The following ARID5B variants were observed in gnomAD, a reference collection of about 807,000 sequenced individuals.
ARID5B encodes the protein AT-rich interaction domain 5B.
In ARID5B, 13 loss-of-function variants were observed where a neutral mutation model predicts 97.2. The ratio of observed to expected loss-of-function variants is 0.13; its 90% CI spans 0.09 to 0.21. The LOEUF is 0.21. Among genes scored for constraint, ARID5B ranks in the 10% least tolerant of loss-of-function variants. The pLI, the probability that ARID5B is intolerant of heterozygous loss-of-function variation, is 1.00. For missense variants in ARID5B, 1,210 were observed against 1,465.3 expected, an observed-to-expected ratio of 0.83 and a Z score of 2.84; for synonymous variants, 556 against 570.3, an observed-to-expected ratio of 0.97 and a Z score of 0.36.
intron 4 of ARID5B, among the ~76,000 whole-genome samples, chr10:62,018,586 T>C (rs990343476): frequency 1.3e-5 from 2 of 151,784 alleles, no homozygotes; most frequent in African/African-American, 2.4e-5. Context: ...TGACCTTTTT[T>C]TTTTTTTTTC....
intron 2 of ARID5B, 128 bp downstream of exon 2, chr10:61,902,541 G>A: frequency 1.5e-6 from 2 of 1,313,724 alleles, no homozygotes; most frequent in South Asian, 1.5e-5. Flanking sequence ...CTTTTTTAAA[G>A]GGGTAGCGCC....
intron 2 of ARID5B, among the ~76,000 whole-genome samples, chr10:61,936,843 T>A (rs56256948): frequency 0.95 from 129,047 of 135,888 alleles, 61,108 homozygotes; most frequent in East Asian, 0.99. Context: ...CTTTTTTTCT[T>A]CCCCAAAAAA....
intron 3 of ARID5B, among the ~76,000 whole-genome samples, chr10:61,962,793 A>G (rs941350387): frequency 6.6e-5 from 10 of 152,222 alleles, no homozygotes; most frequent in African/African-American, 2.4e-4. Flanking sequence ...TCCATCGACT[A>G]ACAGTGTTAG....
At chr10:62,064,547 A>T (rs914201250) in intron 7 of ARID5B, among the ~76,000 whole-genome samples, 2 of 152,238 alleles carry the variant, frequency 1.3e-5, no homozygotes, top group African/African-American at 4.8e-5. Flanking sequence ...TAGAGAAATC[A>T]AGGCTCCAAG....
At chr10:61,976,563 G>A (rs529095944) in intron 3 of ARID5B, among the ~76,000 whole-genome samples, 15 of 152,252 alleles carry the variant, frequency 9.9e-5, no homozygotes, top group Non-Finnish European at 8.8e-5. Flanking sequence ...TTGAAACATC[G>A]AAGTGGTACA....
At chr10:62,006,793 G>T (rs979479584) in intron 4 of ARID5B, among the ~76,000 whole-genome samples, 6 of 152,144 alleles carry the variant, frequency 3.9e-5, no homozygotes, top group Non-Finnish European at 7.4e-5. Flanking sequence ...ATATGGAATG[G>T]CTAAGATTCG....
At chr10:62,053,407 A>G (rs1377473005) in intron 5 of ARID5B, among the ~76,000 whole-genome samples, 2 of 152,198 alleles carry the variant, frequency 1.3e-5, no homozygotes, top group South Asian at 2.1e-4. Flanking sequence ...CACTCCCTCA[A>G]TGAGAACATG....
intron 8 of ARID5B, among the ~76,000 whole-genome samples, chr10:62,076,253 G>A (rs1564644989): frequency 6.6e-6 from 1 of 152,154 alleles, no homozygotes; most frequent in African/African-American, 2.4e-5. Flanking sequence ...TTATATCTAT[G>A]TCTGTGGTGG....
chr10:61,992,805 T>C (rs1485684854), intron 3 of ARID5B, among the ~76,000 whole-genome samples: 1 of 152,206 alleles, frequency 6.6e-6, no homozygotes, highest in Admixed American at 6.5e-5. Context: ...AGTTCTGTTT[T>C]CTGTCTCAGC....
In ARID5B at chr10:61,966,482, G is replaced by A. The variant is rs541596994; in HGVS notation, c.502+26074G>A. 1.5e-4 allele frequency among the ~76,000 whole-genome samples: 23 copies of A among 151,970 alleles called. No homozygotes were observed. In the South Asian group the frequency reaches 4.6e-3, roughly 30 times the overall value. Reference sequence around the variant, plus strand: ...CATCCATCACAGTAATTTTCCCATCGTTCTCTCAGTGATATTGAGATTACT... The same window carrying A: ...CATCCATCACAGTAATTTTCCCATCATTCTCTCAGTGATATTGAGATTACT... On this transcript the variant is annotated intron_variant, in intron 3 of 9. Coordinates refer to ENST00000279873, the MANE Select transcript of ARID5B (RefSeq NM_032199.3).
intron 3 of ARID5B, among the ~76,000 whole-genome samples, chr10:61,976,619 T>A (rs1467598826): frequency 6.6e-6 from 1 of 152,142 alleles, no homozygotes; most frequent in African/African-American, 2.4e-5. Context: ...TGCCTAACCT[T>A]GGTGAGCGGG....
rs1382376408 is a variant in ARID5B at position 62,094,518 on chromosome 10, C to CA, written c.*1488_*1489insA. The CA allele has an allele frequency of 4.3e-5, 10 of 231,518 alleles. No homozygotes were observed. Among genetic ancestry groups the CA allele is most frequent in the African/African-American group, 2.2e-5 (1 of 45,258 alleles). 14.3% of individuals were successfully genotyped at this position (231,518 alleles called of 1,614,324 possible). A position where few individuals can be genotyped will look rare whatever the true frequency, so the allele number is the denominator to read the frequency against. On this transcript the variant is annotated 3_prime_UTR_variant, in exon 10 of 10. Transcript: ENST00000279873. ...GTGGTTTGGGTCATGTTTTTAACCA[C>CA]CTGGCAATACAGTCCACTTTCTGGT...
chr10:61,981,872 T>C (rs1173881647), intron 3 of ARID5B, among the ~76,000 whole-genome samples: 1 of 152,218 alleles, frequency 6.6e-6, no homozygotes, highest in Non-Finnish European at 1.5e-5. Flanking sequence ...TGTTACTAAA[T>C]TCCATTATCC....
intron 4 of ARID5B, among the ~76,000 whole-genome samples, chr10:62,015,419 T>TA (rs1360233320): frequency 1.3e-5 from 2 of 152,172 alleles, no homozygotes; most frequent in African/African-American, 2.4e-5. Context: ...GCAGTGCTCT[T>TA]ACGGGTTGTG....
chr10:61,981,879 A>ATCC (rs1838781702), intron 3 of ARID5B, among the ~76,000 whole-genome samples: 1 of 152,214 alleles, frequency 6.6e-6, no homozygotes, highest in Non-Finnish European at 1.5e-5. Flanking sequence ...AAATTCCATT[A>ATCC]TCCTCCTGTC....
At chr10:62,037,980 G>A (rs910869230) in intron 4 of ARID5B, among the ~76,000 whole-genome samples, 1 of 152,162 alleles carries the variant, frequency 6.6e-6, no homozygotes, top group Admixed American at 6.5e-5. Flanking sequence ...TTGGAGGAGT[G>A]GCTTTTATCT....
At chr10:61,936,416 G>C (rs1173487679) in intron 2 of ARID5B, among the ~76,000 whole-genome samples, 1 of 152,192 alleles carries the variant, frequency 6.6e-6, no homozygotes, top group Non-Finnish European at 1.5e-5. Flanking sequence ...TCAGGAGTTC[G>C]AGACCATCCT....
chr10:62,073,159 C>T (rs915038167), intron 8 of ARID5B, among the ~76,000 whole-genome samples: 30 of 152,264 alleles, frequency 2.0e-4, no homozygotes, highest in South Asian at 1.9e-3. Context: ...TACTAGGCTG[C>T]GGGTTCTTCT....
chr10:61,949,591 T>C (rs375349681), intron 3 of ARID5B, among the ~76,000 whole-genome samples: 1 of 152,074 alleles, frequency 6.6e-6, no homozygotes, highest in East Asian at 1.9e-4. Flanking sequence ...GAGTCAAGAT[T>C]GTACCATTGC....
Sources: allele counts gnomAD v4.1 joint callset (sites outside exome capture counted in the v4.1 genomes callset), GRCh38; gene constraint gnomAD v4.1.1; transcripts MANE v1.5; gene names NCBI Gene and HGNC (gene_info 2026-07-23, HGNC 2026-07-21).